The following LRBA variants were observed in gnomAD, a reference collection of about 807,000 sequenced individuals.
The protein encoded by LRBA is LPS responsive beige-like anchor protein, also known as lipopolysaccharide-responsive and beige-like anchor protein.
In LRBA, 176 loss-of-function variants were observed where a neutral mutation model predicts 330.0. The observed-to-expected ratio is 0.53, with a 90% confidence interval of 0.47 to 0.60. The LOEUF (loss-of-function observed/expected upper bound fraction) is 0.60. LRBA is among the 20% of genes least tolerant of loss of function. The pLI is 0.00. For missense variants in LRBA, 3,259 were observed against 3,444.8 expected, an observed-to-expected ratio of 0.95 and a Z score of 1.35; for synonymous variants, 1,230 against 1,193.0, an observed-to-expected ratio of 1.03 and a Z score of -0.64.
intron 40 of LRBA, among the ~76,000 whole-genome samples, chr4:150,524,200 A>AAT (rs1236496379): frequency 6.6e-6 from 1 of 152,156 alleles, no homozygotes; most frequent in African/African-American, 2.4e-5. Flanking sequence ...AAAATAGAAT[A>AAT]ATTGGGGCAG....
At chr4:150,434,790 G>A (rs1750886960) in intron 46 of LRBA, among the ~76,000 whole-genome samples, 1 of 151,872 alleles carries the variant, frequency 6.6e-6, no homozygotes. Flanking sequence ...GGTCGAGGTT[G>A]AGGCTACAGT....
At chr4:150,899,662 C>T (rs1291348346) in intron 14 of LRBA, among the ~76,000 whole-genome samples, 1 of 152,178 alleles carries the variant, frequency 6.6e-6, no homozygotes, top group Non-Finnish European at 1.5e-5. Flanking sequence ...ATAACTCCTA[C>T]TTCTGCAAGA....
At chr4:150,960,141 G>GA (rs1737983102) in intron 2 of LRBA, among the ~76,000 whole-genome samples, 1 of 148,568 alleles carries the variant, frequency 6.7e-6, no homozygotes, top group Admixed American at 6.6e-5. Flanking sequence ...TTTAATACAT[G>GA]AAAAAATATA....
intron 42 of LRBA, among the ~76,000 whole-genome samples, chr4:150,473,249 C>T (rs562169979): frequency 1.4e-4 from 22 of 152,154 alleles, no homozygotes; most frequent in East Asian, 9.6e-4. Context: ...ATATCTTCTT[C>T]GGTGAAATGA....
chr4:150,489,696 T>C (rs1428486807), intron 41 of LRBA, among the ~76,000 whole-genome samples: 1 of 129,516 alleles, frequency 7.7e-6, no homozygotes, highest in Admixed American at 9.1e-5. Context: ...GAATATATTA[T>C]ATATTATATA....
chr4:150,661,275 A>G (rs1042675421), intron 37 of LRBA, among the ~76,000 whole-genome samples: 9 of 151,698 alleles, frequency 5.9e-5, no homozygotes, highest in East Asian at 2.0e-4. Flanking sequence ...GTTCATGACC[A>G]GCCCGGGCAA....
intron 36 of LRBA, among the ~76,000 whole-genome samples, chr4:150,734,799 C>T (rs1177782978): frequency 6.6e-6 from 1 of 152,158 alleles, no homozygotes; most frequent in Non-Finnish European, 1.5e-5. Flanking sequence ...TCCTCAGCTA[C>T]AAATACTGTT....
At chr4:150,810,150 G>A (rs952043978) in intron 31 of LRBA, among the ~76,000 whole-genome samples, 22 of 152,198 alleles carry the variant, frequency 1.4e-4, no homozygotes, top group South Asian at 8.3e-4. Flanking sequence ...AACATGCTTG[G>A]TTTTTAGGCA....
chr4:150,564,897 T>C (rs1271756686), intron 40 of LRBA, among the ~76,000 whole-genome samples: 1 of 152,080 alleles, frequency 6.6e-6, no homozygotes, highest in Non-Finnish European at 1.5e-5. Flanking sequence ...CTGGCGAAGC[T>C]ATGGAGAAAA....
At chr4:150,284,235 C>T (rs1436045986) in intron 54 of LRBA, among the ~76,000 whole-genome samples, 3 of 152,080 alleles carry the variant, frequency 2.0e-5, no homozygotes, top group African/African-American at 7.2e-5. Context: ...AAAAGCCTCA[C>T]ATTAAAGGAA....
At chr4:150,955,612 C>T (rs771558812) in intron 2 of LRBA, among the ~76,000 whole-genome samples, 6 of 148,050 alleles carry the variant, frequency 4.1e-5, no homozygotes, top group Non-Finnish European at 7.4e-5. Context: ...ATGACGTAGG[C>T]CGGGCGCCGT....
chr4:150,325,042 AT>A (rs759856743), intron 49 of LRBA, among the ~76,000 whole-genome samples: 3 of 152,104 alleles, frequency 2.0e-5, no homozygotes, highest in African/African-American at 4.8e-5. Flanking sequence ...GCTTTGACCA[AT>A]GAAATGTGGC....
At chr4:150,770,831 A>T (rs768526305) in intron 34 of LRBA, among the ~76,000 whole-genome samples, 7 of 152,146 alleles carry the variant, frequency 4.6e-5, no homozygotes, top group Non-Finnish European at 1.0e-4. Flanking sequence ...TAGTAGTCCT[A>T]CCTGGATTGT....
At chr4:150,806,142 G>C (rs1296134498) in intron 33 of LRBA, 129 bp downstream of exon 33, 4 of 578,536 alleles carry the variant, frequency 6.9e-6, no homozygotes, top group Non-Finnish European at 1.1e-5. Context: ...TCAAAAGATA[G>C]CCTATGAGAA....
chr4:150,733,576 T>A (rs1195026313), intron 36 of LRBA, among the ~76,000 whole-genome samples: 53 of 145,462 alleles, frequency 3.6e-4, no homozygotes, highest in Middle Eastern at 3.6e-3. Context: ...TCTCTCTCTC[T>A]CACACACACA....
intron 47 of LRBA, among the ~76,000 whole-genome samples, chr4:150,380,376 G>A (rs1374137173): frequency 3.9e-5 from 6 of 151,986 alleles, no homozygotes. Context: ...TTTTCCTCTT[G>A]AAATAAAGCA....
At chr4:150,353,116 A>C (rs1413707218) in intron 47 of LRBA, among the ~76,000 whole-genome samples, 1 of 152,112 alleles carries the variant, frequency 6.6e-6, no homozygotes, top group Non-Finnish European at 1.5e-5. Flanking sequence ...CTGAGTTCAT[A>C]AACTGCCGAA....
rs1728446055 is a variant in LRBA, at chr4:150,881,983, G to A, written c.2166-9228C>T. Among the ~76,000 whole-genome samples, 6 of 152,214 alleles carry A rather than the reference G, an allele frequency of 3.9e-5. No homozygotes were observed. The South Asian group carries it at 1.2e-3, about 32-fold the overall frequency. On this transcript the variant is annotated intron_variant, in intron 17 of 56. Transcript: ENST00000651943. ...TGCCTGTAATCCCAGCTACTCTGGA[G>A]GCTGAGGCAGGAGAATCGCTTCAAC...
At chr4:150,760,965 A>G (rs2126466552) in intron 35 of LRBA, among the ~76,000 whole-genome samples, 1 of 152,306 alleles carries the variant, frequency 6.6e-6, no homozygotes, top group East Asian at 1.9e-4. Context: ...TCCTAGATGC[A>G]AGTTCAAATA....
Sources: gnomAD v4.1 joint callset for allele counts (sites outside exome capture counted in the v4.1 genomes callset) on GRCh38, gnomAD v4.1.1 for gene constraint, MANE v1.5 for transcripts, NCBI Gene and HGNC (gene_info 2026-07-23, HGNC 2026-07-21) for gene names.